SCARA5: variants seen among roughly 807,000 people sequenced by gnomAD.
The protein encoded by SCARA5 is scavenger receptor class A member 5, also known as scavenger receptor class A, member 5 (putative).
Under a neutral mutation model 46.3 loss-of-function variants are expected in SCARA5, and 45 were observed. That is an observed-to-expected ratio of 0.97 (90% confidence interval 0.76 to 1.24). The LOEUF (loss-of-function observed/expected upper bound fraction) is 1.24. Ranked by LOEUF, SCARA5 falls within the 50% of genes most tolerant of loss-of-function variation. The probability of loss-of-function intolerance (pLI) is 0.00; values close to 1 mark genes in which losing one functional copy is unlikely to be tolerated. For missense variants in SCARA5, 680 were observed against 689.0 expected (o/e 0.99, Z 0.15); for synonymous variants, 333 against 306.5 (o/e 1.09, Z -0.90).
In SCARA5 at chr8:27,905,699, TC is replaced by T. The variant is rs1563519581; in HGVS notation, c.1097-866del. On this transcript the variant is annotated intron_variant, in intron 6 of 8. Transcript: ENST00000354914. Reference sequence around the variant, plus strand: ...ACTTCTGTGTTGTCTAATTTTCTTTTCTTTTCTTTTTTTTTTTTTTTTTGAG... The same window carrying T: ...ACTTCTGTGTTGTCTAATTTTCTTTTTTTTCTTTTTTTTTTTTTTTTTGAG... Among the ~76,000 whole-genome samples the T allele has an allele frequency of 5.4e-3, 417 of 77,606 alleles. 5 individuals are homozygous for T. Among genetic ancestry groups the T allele is most frequent in the African/African-American group, 0.016 (390 of 24,000 alleles). 50.9% of individuals were successfully genotyped at this position (77,606 alleles called of 152,430 possible). A position where few individuals can be genotyped will look rare whatever the true frequency, so the allele number is the denominator to read the frequency against.
chr8:27,983,717 A>C (rs919701869), intron 2 of SCARA5, among the ~76,000 whole-genome samples: 2 of 152,182 alleles, frequency 1.3e-5, no homozygotes, highest in Non-Finnish European at 2.9e-5. Context: ...ACTCCACAGC[A>C]CATGGGCCAT....
chr8:27,944,015 T>A (rs1807992519), intron 3 of SCARA5, among the ~76,000 whole-genome samples: 1 of 152,178 alleles, frequency 6.6e-6, no homozygotes, highest in Admixed American at 6.5e-5. Flanking sequence ...TTAGAAAGTG[T>A]TACTGCCAAG....
At chr8:27,924,711 A>G (rs1026858445) in intron 3 of SCARA5, among the ~76,000 whole-genome samples, 2 of 152,254 alleles carry the variant, frequency 1.3e-5, no homozygotes, top group Admixed American at 6.5e-5. Flanking sequence ...CTGTTTGCAG[A>G]TGACATGATT....
chr8:27,921,604 A>G lies in SCARA5; in HGVS notation c.883T>C (p.Ser295Pro). ...AGGGAGATGTTCCGCAGTGCGATGG[A>G]GTGCTCCCAGTCCTTGAGGCGCAGG... ...EDLRLKDWEHSIALRNISLAK... is the reference protein window; with the variant it reads ...EDLRLKDWEHPIALRNISLAK... The change falls in exon 4 of 9, where the codon TCC (serine) becomes CCC (proline). Residue 295 changes from serine to proline, a missense_variant. Ser to Pro is a moderately conservative substitution (Grantham distance 74). Around this residue, in one of 3 missense-constraint regions of SCARA5, gnomAD observed 438 missense variants for 384.5 expected, o/e 1.14. Coordinates refer to ENST00000354914, the MANE Select transcript of SCARA5 (RefSeq NM_173833.6). 6.3e-7 allele frequency: 1 copy of G among 1,585,792 alleles called. No individual in the cohort carries two copies. Among genetic ancestry groups the G allele is most frequent in the South Asian group, 1.1e-5 (1 of 87,080 alleles).
At chr8:27,921,203 G>T (rs777964379) in intron 4 of SCARA5, among the ~76,000 whole-genome samples, 1 of 152,190 alleles carries the variant, frequency 6.6e-6, no homozygotes, top group Non-Finnish European at 1.5e-5. Flanking sequence ...TGAGCCAGTT[G>T]TTCTGCCCCC....
chr8:27,986,565 G>A (rs1202302037), intron 2 of SCARA5, among the ~76,000 whole-genome samples: 2 of 152,142 alleles, frequency 1.3e-5, no homozygotes, highest in Admixed American at 6.5e-5. Context: ...GGGTGAGCAG[G>A]TTCATTGGTC....
chr8:27,989,129 C>CTTTTTTTTTTTTTTTTTTTTTTTTT (rs34929623), intron 1 of SCARA5, among the ~76,000 whole-genome samples: 18 of 68,314 alleles, frequency 2.6e-4, no homozygotes, highest in African/African-American at 6.8e-4. Flanking sequence ...TTCTTTCTTT[C>CTTTTTTTTTTTTTTTTTTTTTTTTT]TTTTTTTTTT....
intron 3 of SCARA5, among the ~76,000 whole-genome samples, chr8:27,942,081 G>A (rs186922765): frequency 9.2e-5 from 14 of 151,958 alleles, no homozygotes; most frequent in East Asian, 3.9e-4. Context: ...TACCCACCTC[G>A]GCCTCCCATA....
intron 1 of SCARA5, among the ~76,000 whole-genome samples, chr8:27,990,018 C>T (rs1393889198): frequency 6.6e-6 from 1 of 152,264 alleles, no homozygotes; most frequent in African/African-American, 2.4e-5. Context: ...CACACAGAGC[C>T]AGACAGGGCG....
intron 3 of SCARA5, among the ~76,000 whole-genome samples, chr8:27,939,158 T>C (rs770219047): frequency 2.0e-5 from 3 of 152,168 alleles, no homozygotes; most frequent in Non-Finnish European, 4.4e-5. Context: ...GGGTTTTGGA[T>C]CTGCAGGCAA....
At chr8:27,948,822 T>C (rs2129893541) in intron 3 of SCARA5, among the ~76,000 whole-genome samples, 1 of 152,368 alleles carries the variant, frequency 6.6e-6, no homozygotes, top group African/African-American at 2.4e-5. Flanking sequence ...AGCCCCAGCC[T>C]TATCAAGGAA....
At position 27,921,819 on chromosome 8, in the gene SCARA5, A is replaced by G. The variant is rs569195517; in HGVS notation, c.668T>C (p.Val223Ala). The change falls in exon 4 of 9, where the codon GTG (valine) becomes GCG (alanine). Residue 223 changes from valine (V) to alanine (A), a missense_variant. Physicochemically the swap from Val to Ala is moderately conservative, Grantham distance 64. Around this residue, in one of 3 missense-constraint regions of SCARA5, gnomAD observed 438 missense variants for 384.5 expected, o/e 1.14. Transcript: ENST00000354914. ...VGILGEELADVGGVLRGLNHS... is the reference protein window; with the variant it reads ...VGILGEELADAGGVLRGLNHS... ...GTTGAGGCCGCGCAGCACGCCGCCC[A>G]CGTCGGCCAGCTCCTCGCCCAGGAT... is the stretch of plus-strand genomic sequence containing the variant. The G allele has an allele frequency of 6.5e-7, 1 of 1,549,580 alleles. No individual in the cohort carries two copies. Among genetic ancestry groups the G allele is most frequent in the Admixed American group, 1.9e-5 (1 of 52,386 alleles).
intron 7 of SCARA5, among the ~76,000 whole-genome samples, chr8:27,885,466 C>A (rs1364204979): frequency 1.3e-5 from 2 of 152,170 alleles, no homozygotes; most frequent in African/African-American, 2.4e-5. Flanking sequence ...TTCTGAGGAT[C>A]ACGTGACCTG....
At chr8:27,976,192 C>A (rs1808521639) in intron 2 of SCARA5, among the ~76,000 whole-genome samples, 1 of 152,120 alleles carries the variant, frequency 6.6e-6, no homozygotes, top group Non-Finnish European at 1.5e-5. Context: ...GACACCACTG[C>A]AGCCATGCGG....
Position 27,921,811 on chromosome 8 carries a change from C to T in SCARA5, c.676G>A (p.Val226Met), listed in dbSNP as rs760953890. ...LGEELADVGG[V>M]LRGLNHSLSY... The stretch of plus-strand genomic sequence containing the variant: ...AGGCTGTGGTTGAGGCCGCGCAGCA[C>T]GCCGCCCACGTCGGCCAGCTCCTCG... Residue 226 changes from valine to methionine, a missense_variant, in exon 4 of 9, where the codon GTG (valine) becomes ATG (methionine). Around this residue, in one of 3 missense-constraint regions of SCARA5, gnomAD observed 438 missense variants for 384.5 expected, o/e 1.14. Transcript: ENST00000354914. 6 of 1,553,452 alleles carry T rather than the reference C, an allele frequency of 3.9e-6. No individual in the cohort carries two copies. The Admixed American group carries it at 7.6e-5, about 20-fold the overall frequency.
intron 3 of SCARA5, among the ~76,000 whole-genome samples, chr8:27,936,592 TAAAAAA>T (rs71222526): frequency 3.8e-4 from 12 of 31,322 alleles, no homozygotes; most frequent in Middle Eastern, 0.12. Context: ...GTGTCTCCAT[TAAAAAA>T]AAAAAAAAAA....
At chr8:27,953,206 G>T (rs915892523) in intron 3 of SCARA5, among the ~76,000 whole-genome samples, 3 of 152,222 alleles carry the variant, frequency 2.0e-5, no homozygotes, top group Non-Finnish European at 4.4e-5. Flanking sequence ...GCTCTCAAAA[G>T]ATCAGGAAAA....
intron 7 of SCARA5, among the ~76,000 whole-genome samples, chr8:27,895,008 C>T (rs1282855773): frequency 6.6e-6 from 1 of 152,134 alleles, no homozygotes; most frequent in East Asian, 1.9e-4. Context: ...ACCTAAAGTC[C>T]AGGGAACTTT....
At chr8:27,880,392 G>GAA (rs34715999) in intron 7 of SCARA5, among the ~76,000 whole-genome samples, 2,153 of 138,638 alleles carry the variant, frequency 0.016, 46 homozygotes, top group African/African-American at 0.047. Flanking sequence ...TTCTGTACAG[G>GAA]AAAAAAAAAA....
Sources: allele counts gnomAD v4.1 joint callset (sites outside exome capture counted in the v4.1 genomes callset), GRCh38; gene constraint gnomAD v4.1.1; regional missense constraint gnomAD v4.1.1; transcripts MANE v1.5; gene names NCBI Gene and HGNC (gene_info 2026-07-23, HGNC 2026-07-21).